The following UBA52 variants were observed in gnomAD, a reference collection of about 807,000 sequenced individuals.
UBA52 encodes the protein ubiquitin-ribosomal protein eL40 fusion protein.
UBA52 carries 1 observed loss-of-function variant against 15.3 expected under a neutral mutation model. The ratio of observed to expected loss-of-function variants is 0.07; its 90% CI spans 0.02 to 0.31. The LOEUF (loss-of-function observed/expected upper bound fraction) is 0.31. UBA52 is among the 10% of genes least tolerant of loss of function. The pLI, the probability that UBA52 is intolerant of heterozygous loss-of-function variation, is 1.00. For missense variants in UBA52, 87 were observed against 168.0 expected, an observed-to-expected ratio of 0.52 and a Z score of 2.66; for synonymous variants, 50 against 58.3, an observed-to-expected ratio of 0.86 and a Z score of 0.65.
chr19:18,567,015 G>A, upstream of UBA52: 3 of 825,702 alleles, frequency 3.6e-6, no homozygotes, highest in Non-Finnish European at 6.1e-6. Flanking sequence ...GAACAGTGTG[G>A]GGGTTCTCAC....
upstream of UBA52, among the ~76,000 whole-genome samples, chr19:18,570,045 G>A (rs904216820): frequency 2.0e-5 from 3 of 152,126 alleles, no homozygotes; most frequent in Admixed American, 6.6e-5. Flanking sequence ...AAAAGAAAAG[G>A]AAATTAGGTT....
At chr19:18,563,805 A>AT in the UBA52 span, among the ~76,000 whole-genome samples, 877 of 148,910 alleles carry the variant, frequency 5.9e-3, 3 homozygotes, top group Non-Finnish European at 8.9e-3. Context: ...CCCGGCCCTG[A>AT]TTTTTTTATT....
chr19:18,571,803 T>G (rs957885908), upstream of UBA52: 2 of 152,316 alleles, frequency 1.3e-5, no homozygotes, highest in African/African-American at 2.4e-5. Flanking sequence ...GCGTCCGGCG[T>G]GCTCCGTGCG....
chr19:18,568,371 C>T, upstream of UBA52: 8 of 1,569,672 alleles, frequency 5.1e-6, no homozygotes, highest in Non-Finnish European at 7.0e-6. Flanking sequence ...GGCAAGGTGA[C>T]AAAACCAACT....
chr19:18,572,956 A>T (rs1975577898), intron 1 of UBA52: 4 of 1,140,526 alleles, frequency 3.5e-6, no homozygotes, highest in Non-Finnish European at 4.3e-6. Context: ...AGATGATGCC[A>T]AAGGGTACTT....
chr19:18,572,930 G>A lies in UBA52; in HGVS notation c.-8-363G>A, dbSNP rs1354470384. The A allele has an allele frequency of 9.9e-6, 11 of 1,105,664 alleles. No homozygotes were observed. The South Asian group carries it at 2.5e-4, about 26-fold the overall frequency. The allele number at this position is 1,105,664 out of a possible 1,614,324, so 68.5% of individuals were successfully genotyped here. On this transcript the variant is annotated intron_variant, in intron 1 of 4. Coordinates refer to ENST00000442744, the MANE Select transcript of UBA52 (RefSeq NM_001033930.3). ...GGAAGAGGGTGGGACCGCCTTCAGG[G>A]AAGATGGATCTAGCAAGATGATGCC...
the UBA52 span, among the ~76,000 whole-genome samples, chr19:18,566,687 G>A: frequency 2.0e-5 from 3 of 152,050 alleles, no homozygotes; most frequent in Non-Finnish European, 2.9e-5. Context: ...CAGCTACTTG[G>A]GAGGCTGAGG....
intron 3 of UBA52, among the ~76,000 whole-genome samples, chr19:18,574,589 G>C (rs775358683): frequency 6.6e-5 from 10 of 152,188 alleles, no homozygotes; most frequent in Non-Finnish European, 1.5e-4. Context: ...GAACCACTTA[G>C]AGGTCGGCTT....
chr19:18,565,286 G>A, the UBA52 span: 1 of 900,180 alleles, frequency 1.1e-6, no homozygotes, highest in African/African-American at 1.7e-5. Flanking sequence ...CTGGAGTGCA[G>A]TGGCGCGACC....
chr19:18,574,550 C>T (rs192270971), intron 3 of UBA52, among the ~76,000 whole-genome samples: 109 of 152,228 alleles, frequency 7.2e-4, no homozygotes, highest in Middle Eastern at 3.4e-3. Flanking sequence ...CATGGTGCCC[C>T]GCCTAGACTT....
intron 1 of UBA52, 124 bp downstream of exon 1, chr19:18,572,033 C>G (rs1260681691): frequency 6.6e-6 from 1 of 152,214 alleles, no homozygotes. Flanking sequence ...GCAGGGCTCG[C>G]GAGGCCACGG....
upstream of UBA52, among the ~76,000 whole-genome samples, chr19:18,567,951 GT>G (rs1975334616): frequency 6.6e-6 from 1 of 152,126 alleles, no homozygotes; most frequent in Non-Finnish European, 1.5e-5. Context: ...CTGGGCCTCA[GT>G]TTTCTCCTCT....
chr19:18,569,550 A>G (rs2145269655), upstream of UBA52, among the ~76,000 whole-genome samples: 1 of 151,910 alleles, frequency 6.6e-6, no homozygotes, highest in Non-Finnish European at 1.5e-5. Flanking sequence ...GAGCTATAAC[A>G]ACCCAAGTTC....
the UBA52 span, among the ~76,000 whole-genome samples, chr19:18,564,035 C>T: frequency 2.0e-5 from 3 of 151,954 alleles, no homozygotes; most frequent in East Asian, 1.9e-4. Flanking sequence ...TACAGGCGCC[C>T]GCCACCATGC....
intron 1 of UBA52, chr19:18,572,315 T>G (rs1975535089): frequency 2.6e-5 from 4 of 152,220 alleles, no homozygotes; most frequent in Admixed American, 2.6e-4. Flanking sequence ...TGTCTGCTTT[T>G]TAGACTTTTC....
In UBA52 at chr19:18,573,604, A is replaced by G. The variant is rs541883447; in HGVS notation, c.104-58A>G. On this transcript the variant is annotated intron_variant, in intron 2 of 4. Transcript: ENST00000442744. The stretch of plus-strand genomic sequence containing the variant: ...GGGTAGTGCTGGAGCTCCCCTGCAG[A>G]GGACACTGCCAGTAATATGGTCCGC... 463 of 1,571,902 alleles carry G rather than the reference A, an allele frequency of 2.9e-4. 4 individuals are homozygous for G. The highest frequency in any genetic ancestry group is 7.4e-4 in the Admixed American group (44 of 59,202).
intron 1 of UBA52, chr19:18,572,403 C>T (rs1320509766): frequency 6.6e-6 from 1 of 152,150 alleles, no homozygotes; most frequent in African/African-American, 2.4e-5. Context: ...GGTCTCGGCT[C>T]ACTGCAATCT....
chr19:18,564,764 A>G, the UBA52 span: 1 of 1,286,440 alleles, frequency 7.8e-7, no homozygotes, highest in Non-Finnish European at 1.1e-6. Context: ...AGCCCATGCA[A>G]AGGTTGTGAA....
At chr19:18,567,561 A>G (rs1259315291), upstream of UBA52, among the ~76,000 whole-genome samples, 2 of 152,098 alleles carry the variant, frequency 1.3e-5, no homozygotes, top group South Asian at 2.1e-4. Context: ...GCTGTTACCC[A>G]CAGTCACCCA....
Sources: gnomAD v4.1 joint callset for allele counts (sites outside exome capture counted in the v4.1 genomes callset) on GRCh38, gnomAD v4.1.1 for gene constraint, MANE v1.5 for transcripts, NCBI Gene and HGNC (gene_info 2026-07-23, HGNC 2026-07-21) for gene names.